The following NELL1 variants were observed in gnomAD, a reference collection of about 807,000 sequenced individuals.
The protein encoded by NELL1 is protein kinase C-binding protein NELL1.
Under a neutral mutation model 107.4 loss-of-function variants are expected in NELL1, and 76 were observed. The ratio of observed to expected loss-of-function variants is 0.71; its 90% confidence interval spans 0.59 to 0.86. NELL1 has a LOEUF of 0.86. Among genes scored for constraint, NELL1 ranks in the 40% least tolerant of loss-of-function variants. The pLI is 0.00. For missense variants in NELL1, 1,024 were observed against 1,005.5 expected (o/e 1.02, Z -0.25); for synonymous variants, 353 against 341.2 (o/e 1.03, Z -0.38).
chr11:21,303,765 C>T (rs1401327658), intron 14 of NELL1, among the ~76,000 whole-genome samples: 1 of 152,052 alleles, frequency 6.6e-6, no homozygotes, highest in African/African-American at 2.4e-5. Flanking sequence ...ACCTAAGCGT[C>T]CATCACTCAG....
intron 12 of NELL1, among the ~76,000 whole-genome samples, chr11:21,066,969 GTAAATAAATAAA>G (rs10542680): frequency 3.4e-5 from 5 of 148,428 alleles, no homozygotes; most frequent in Admixed American, 1.3e-4. Flanking sequence ...AATTTAAAAA[GTAAATAAATAAA>G]TAAATAAATA....
intron 14 of NELL1, among the ~76,000 whole-genome samples, chr11:21,267,609 T>C (rs768643875): frequency 2.1e-4 from 32 of 151,790 alleles, no homozygotes; most frequent in Non-Finnish European, 4.0e-4. Context: ...AGTCTGAGTA[T>C]GTTCCTGGGA....
At chr11:21,303,989 TA>T (rs1414102236) in intron 14 of NELL1, among the ~76,000 whole-genome samples, 1 of 152,004 alleles carries the variant, frequency 6.6e-6, no homozygotes, top group East Asian at 1.9e-4. Flanking sequence ...ATAAGTGTGC[TA>T]ATCCTATTCA....
intron 12 of NELL1, among the ~76,000 whole-genome samples, chr11:21,073,585 C>T (rs1002960834): frequency 2.0e-5 from 3 of 152,148 alleles, no homozygotes; most frequent in Non-Finnish European, 2.9e-5. Context: ...TGTATGGCAT[C>T]ACAGCTGTAT....
intron 16 of NELL1, among the ~76,000 whole-genome samples, chr11:21,548,069 A>G (rs1025829786): frequency 2.0e-5 from 3 of 151,902 alleles, no homozygotes; most frequent in Admixed American, 6.6e-5. Context: ...TTATCAAACT[A>G]TTCATTTAGC....
In NELL1 at chr11:20,786,814, C is replaced by T. The variant is rs558754323; in HGVS notation, c.335+2984C>T. On this transcript the variant is annotated intron_variant, in intron 3 of 19. Coordinates refer to ENST00000357134, the MANE Select transcript of NELL1 (RefSeq NM_006157.5). ...ACAAGGTCAGGAGATCGAGACCATC[C>T]TGGCTAACACGGTGAAACCCCGTCT... Among the ~76,000 whole-genome samples the T allele has an allele frequency of 4.6e-5, 7 of 151,868 alleles. No homozygotes were observed. In the East Asian group the frequency reaches 9.7e-4, roughly 21 times the overall value.
At chr11:20,810,360 TCCCTCA>T (rs1283720204) in intron 3 of NELL1, among the ~76,000 whole-genome samples, 33 of 152,172 alleles carry the variant, frequency 2.2e-4, no homozygotes, top group Admixed American at 1.5e-3. Context: ...CTGTCTTTTA[TCCCTCA>T]CCCCCTCTCA....
chr11:20,857,241 G>A (rs748046345), intron 4 of NELL1, among the ~76,000 whole-genome samples: 2 of 152,130 alleles, frequency 1.3e-5, no homozygotes, highest in Non-Finnish European at 2.9e-5. Context: ...CGAGATAAAG[G>A]CAAACAGTGT....
chr11:21,300,107 G>T (rs185764391), intron 14 of NELL1, among the ~76,000 whole-genome samples: 1 of 152,106 alleles, frequency 6.6e-6, no homozygotes. Flanking sequence ...CAAAACAGCT[G>T]TTGTGACTGA....
At chr11:21,062,928 A>C (rs1304104230) in intron 12 of NELL1, among the ~76,000 whole-genome samples, 1 of 152,094 alleles carries the variant, frequency 6.6e-6, no homozygotes, top group African/African-American at 2.4e-5. Context: ...CCTGGGTTCA[A>C]GCAATTCTCA....
intron 12 of NELL1, among the ~76,000 whole-genome samples, chr11:21,044,943 A>G (rs1172873896): frequency 6.6e-6 from 1 of 152,172 alleles, no homozygotes; most frequent in Non-Finnish European, 1.5e-5. Flanking sequence ...TGGTTGTGTG[A>G]ACTTGCTTCA....
chr11:21,228,713 CA>C, intron 13 of NELL1, among the ~76,000 whole-genome samples: 3 of 1,714 alleles, frequency 1.8e-3, no homozygotes, highest in Admixed American at 4.3e-3. Context: ...CCTCCCCTCC[CA>C]CCCCTCCTTC....
At chr11:20,909,803 C>T (rs866435820) in intron 5 of NELL1, among the ~76,000 whole-genome samples, 6 of 151,966 alleles carry the variant, frequency 3.9e-5, no homozygotes, top group Admixed American at 6.6e-5. Context: ...AGTTTTCATT[C>T]GGTTGTTTGA....
chr11:21,301,869 G>A (rs1000190669), intron 14 of NELL1, among the ~76,000 whole-genome samples: 3 of 152,010 alleles, frequency 2.0e-5, no homozygotes, highest in Non-Finnish European at 4.4e-5. Flanking sequence ...TAATAATGTA[G>A]CATTATTTCT....
chr11:20,676,707 G>T (rs553835249), intron 1 of NELL1, among the ~76,000 whole-genome samples: 1 of 152,316 alleles, frequency 6.6e-6, no homozygotes, highest in African/African-American at 2.4e-5. Context: ...TAGGACCAGG[G>T]GTTAAGGTGG....
chr11:20,877,608 CA>C (rs1849329874), intron 4 of NELL1, among the ~76,000 whole-genome samples: 1 of 152,072 alleles, frequency 6.6e-6, no homozygotes, highest in African/African-American at 2.4e-5. Context: ...TGTTTTAAAC[CA>C]AAGTCACAAA....
chr11:20,876,580 C>T (rs969816673), intron 4 of NELL1, among the ~76,000 whole-genome samples: 8 of 152,170 alleles, frequency 5.3e-5, no homozygotes, highest in Admixed American at 2.6e-4. Flanking sequence ...CTGGCTAACA[C>T]GGTGAAACCC....
chr11:21,510,062 C>G (rs956303484), intron 15 of NELL1, among the ~76,000 whole-genome samples: 3 of 152,148 alleles, frequency 2.0e-5, no homozygotes, highest in Non-Finnish European at 4.4e-5. Context: ...GGGGCTAAGG[C>G]CTAATTAACA....
At chr11:20,701,709 T>G (rs1854793602) in intron 2 of NELL1, among the ~76,000 whole-genome samples, 1 of 152,310 alleles carries the variant, frequency 6.6e-6, no homozygotes, top group African/African-American at 2.4e-5. Context: ...AGGGATCCAG[T>G]TTCAGCTTTC....
Sources: gnomAD v4.1 joint callset for allele counts (sites outside exome capture counted in the v4.1 genomes callset) on GRCh38, gnomAD v4.1.1 for gene constraint, MANE v1.5 for transcripts, NCBI Gene and HGNC (gene_info 2026-07-23, HGNC 2026-07-21) for gene names.